NKD2: variants seen among roughly 807,000 people sequenced by gnomAD.
NKD2 encodes the protein protein naked cuticle homolog 2.
In NKD2, 43 loss-of-function variants were observed where a neutral mutation model predicts 34.8. The observed-to-expected ratio is 1.24, with a 90% CI of 0.97 to 1.60. The LOEUF is 1.60. Among genes scored for constraint, NKD2 ranks in the 40% most tolerant of loss-of-function variants. The pLI is 0.00. For missense variants in NKD2, 675 were observed against 627.1 expected (o/e 1.08, Z -0.82); for synonymous variants, 278 against 265.1 (o/e 1.05, Z -0.47).
chr5:1,033,727 T>C (rs1756739131), intron 5 of NKD2, among the ~76,000 whole-genome samples: 1 of 152,196 alleles, frequency 6.6e-6, no homozygotes, highest in Non-Finnish European at 1.5e-5. Context: ...CAAAACTGAC[T>C]GGTCTGGCAT....
Position 1,008,920 on chromosome 5 carries a change from C to T in NKD2, c.-138C>T. ...CCTGGCTCCCCCGGCCCCCGCGCGG[C>T]GTGGAGCCATCTTCCCTCACCTCCT... is the stretch of plus-strand genomic sequence containing the variant. On this transcript the variant is annotated 5_prime_UTR_variant, in exon 1 of 10. Coordinates refer to ENST00000296849, the MANE Select transcript of NKD2 (RefSeq NM_033120.4). 1 of 382,368 alleles carries T rather than the reference C, an allele frequency of 2.6e-6. No individual in the cohort carries two copies. 23.7% of individuals were successfully genotyped at this position (382,368 alleles called of 1,614,324 possible). A position where few individuals can be genotyped will look rare whatever the true frequency, so the allele number is the denominator to read the frequency against.
At chr5:1,033,947 C>T in intron 5 of NKD2, among the ~76,000 whole-genome samples, 1 of 152,238 alleles carries the variant, frequency 6.6e-6, no homozygotes, top group Non-Finnish European at 1.5e-5. Context: ...GTGTCCTCTT[C>T]TCCTTCTGGG....
At chr5:1,022,019 T>G (rs1370993333) in intron 3 of NKD2, among the ~76,000 whole-genome samples, 2 of 151,892 alleles carry the variant, frequency 1.3e-5, no homozygotes, top group Non-Finnish European at 1.5e-5. Flanking sequence ...TTTTCCACCT[T>G]GTCTCATAAG....
At position 1,036,273 on chromosome 5, in the gene NKD2, C is replaced by A; in HGVS notation, c.676C>A (p.Pro226Thr). Reference sequence around the variant, plus strand: ...TCCAAGCAGGAGGCCCAGTACTGACCCCCAGCCCTGCTCGGAGCGGGGGCC... The same window carrying A: ...TCCAAGCAGGAGGCCCAGTACTGACACCCAGCCCTGCTCGGAGCGGGGGCC... ...SAHVRRPSTD[P>T]QPCSERGPYC... Residue 226 changes from proline (P) to threonine (T), a missense_variant, in exon 9 of 10, where the codon CCC becomes ACC. Pro to Thr is a conservative substitution (Grantham distance 38). Transcript: ENST00000296849. 1 of 1,608,814 alleles carries A rather than the reference C, an allele frequency of 6.2e-7. No homozygotes were observed. Among genetic ancestry groups the A allele is most frequent in the Non-Finnish European group, 8.5e-7 (1 of 1,177,764 alleles).
chr5:1,030,514 C>T (rs560462874), intron 3 of NKD2, among the ~76,000 whole-genome samples: 5 of 152,156 alleles, frequency 3.3e-5, no homozygotes, highest in South Asian at 4.1e-4. Context: ...TGGAAGCCCA[C>T]GACTGCAGCC....
At chr5:1,012,973 G>C (rs563573615) in intron 3 of NKD2, among the ~76,000 whole-genome samples, 99 of 152,342 alleles carry the variant, frequency 6.5e-4, no homozygotes, top group Non-Finnish European at 3.7e-4. Flanking sequence ...GATGCAGGGT[G>C]GGGGCAAGAT....
At chr5:1,021,379 C>CCCACCCACCCACCCAT (rs1756174407) in intron 3 of NKD2, among the ~76,000 whole-genome samples, 2 of 123,186 alleles carry the variant, frequency 1.6e-5, no homozygotes, top group Admixed American at 1.6e-4. Context: ...CACCCACCCA[C>CCCACCCACCCACCCAT]CCACCCACCC....
rs1293396448 is a variant in NKD2, at chr5:1,030,337, T to C, written c.142-1815T>C. 2.6e-5 allele frequency among the ~76,000 whole-genome samples: 4 copies of C among 152,242 alleles called. No homozygotes were observed. In the East Asian group the frequency reaches 7.7e-4, roughly 29 times the overall value. On this transcript the variant is annotated intron_variant, in intron 3 of 9. Transcript: ENST00000296849. The stretch of plus-strand genomic sequence containing the variant: ...CTGCATCCCTCAGCCTGGGCATTGG[T>C]GGCCTTGGCTGCCCTTATGACACCA...
chr5:1,012,067 T>G (rs923913156), intron 3 of NKD2, among the ~76,000 whole-genome samples: 6 of 152,214 alleles, frequency 3.9e-5, no homozygotes, highest in Non-Finnish European at 7.3e-5. Flanking sequence ...CAAGTGGTAG[T>G]GACTGCAGGG....
rs1379181293 is a variant in NKD2 at position 1,009,854 on chromosome 5, G to A, written c.141+294G>A. On this transcript the variant is annotated intron_variant, in intron 3 of 9. Coordinates refer to ENST00000296849, the MANE Select transcript of NKD2 (RefSeq NM_033120.4). This position sits in a 1 kb window ranked among gnomAD's most constrained non-coding sequence, Gnocchi z 6.9. Reference sequence around the variant, plus strand: ...CTCCATGTTTCGGGCTGGAGGAGCTGGGCGAGTGGGAGGGGCTGGACCTAG... The same window carrying A: ...CTCCATGTTTCGGGCTGGAGGAGCTAGGCGAGTGGGAGGGGCTGGACCTAG... Among the ~76,000 whole-genome samples the A allele has an allele frequency of 6.6e-6, 1 of 152,084 alleles. No individual in the cohort carries two copies. The highest frequency in any genetic ancestry group is 2.4e-5 in the African/African-American group (1 of 41,404).
rs774023454 is a variant in NKD2, at chr5:1,038,313, GCACCACCACCACCACGAGCACCAC to G, written c.1312_1335del (p.Glu438_His445del). 70 of 1,538,202 alleles carry G rather than the reference GCACCACCACCACCACGAGCACCAC, an allele frequency of 4.6e-5. No homozygotes were observed. Among genetic ancestry groups the G allele is most frequent in the African/African-American group, 2.1e-4 (15 of 73,162 alleles). ...CGGTGCCAGTGATCCAGCGGCACGA[GCACCACCACCACCACGAGCACCAC>G]CACCACCACCACCACCACCACTTCC... On this transcript the variant is annotated inframe_deletion, in exon 10 of 10. Coordinates refer to ENST00000296849, the MANE Select transcript of NKD2 (RefSeq NM_033120.4). This position sits in a 1 kb window ranked among gnomAD's most constrained non-coding sequence, Gnocchi z 4.5.
intron 5 of NKD2, among the ~76,000 whole-genome samples, 164 bp downstream of exon 5, chr5:1,033,663 G>A (rs1756737311): frequency 6.6e-6 from 1 of 152,234 alleles, no homozygotes; most frequent in South Asian, 2.1e-4. Flanking sequence ...ACTTGAATGT[G>A]CAAGCCAAAG....
rs371957590 is a variant in NKD2 at position 1,037,953 on chromosome 5, T to C, written c.936T>C (p.Pro312=). The change falls in exon 10 of 10, where the codon CCT becomes CCC. Residue 312 remains proline, a synonymous_variant. Coordinates refer to ENST00000296849, the MANE Select transcript of NKD2 (RefSeq NM_033120.4). ...AACACGTCGTGCCAGCCTCGGAGCC[T>C]GCTGCCCGGGCCCTGGACACGCAGC... The part of the protein sequence containing the change: ...LVEHVVPASE[P]AARALDTQPR... The C allele has an allele frequency of 1.2e-6, 2 of 1,606,014 alleles. No individual in the cohort carries two copies. Among genetic ancestry groups the C allele is most frequent in the African/African-American group, 2.7e-5 (2 of 74,876 alleles).
intron 3 of NKD2, among the ~76,000 whole-genome samples, chr5:1,027,624 G>T (rs977408827): frequency 6.6e-6 from 1 of 152,200 alleles, no homozygotes; most frequent in Non-Finnish European, 1.5e-5. Context: ...GTTGATCGGG[G>T]TTGGTATTTC....
chr5:1,037,375 C>A, intron 9 of NKD2: 1 of 737,786 alleles, frequency 1.4e-6, no homozygotes, highest in South Asian at 1.8e-5. Flanking sequence ...AGGAGCTGCA[C>A]CCTACAGGGC....
intron 3 of NKD2, among the ~76,000 whole-genome samples, chr5:1,019,958 T>A (rs1756110130): frequency 6.6e-6 from 1 of 152,230 alleles, no homozygotes; most frequent in Non-Finnish European, 1.5e-5. Flanking sequence ...GTGGGGCGGT[T>A]GAGGGTGCAG....
intron 3 of NKD2, among the ~76,000 whole-genome samples, chr5:1,021,184 T>G (rs1225298604): frequency 6.6e-6 from 1 of 152,160 alleles, no homozygotes; most frequent in Non-Finnish European, 1.5e-5. Context: ...CACATGTGGT[T>G]ATTAAAAGAT....
intron 3 of NKD2, among the ~76,000 whole-genome samples, chr5:1,020,481 C>CT (rs1756131451): frequency 6.6e-6 from 1 of 152,100 alleles, no homozygotes; most frequent in Non-Finnish European, 1.5e-5. Flanking sequence ...GATGGAGACT[C>CT]TGGGAGGGCT....
Position 1,032,229 on chromosome 5 carries a change from C to A in NKD2, c.202+17C>A. 6.3e-7 allele frequency: 1 copy of A among 1,597,934 alleles called. No homozygotes were observed. The highest frequency in any genetic ancestry group is 2.2e-5 in the East Asian group (1 of 44,518). On this transcript the variant is annotated intron_variant, in intron 4 of 9. Transcript: ENST00000296849. The stretch of plus-strand genomic sequence containing the variant: ...CCCTACAGGGTGAGTGCAGCTCCCG[C>A]AGCCCTCCCTCCCCAAACTCACAGA...
Sources: gnomAD v4.1 joint callset for allele counts (sites outside exome capture counted in the v4.1 genomes callset) on GRCh38, gnomAD v4.1.1 for gene constraint, Gnocchi (gnomAD v3.1) non-coding constraint, MANE v1.5 for transcripts, NCBI Gene and HGNC (gene_info 2026-07-23, HGNC 2026-07-21) for gene names.